The following OXCT1 variants were observed in gnomAD, a reference collection of about 807,000 sequenced individuals.
OXCT1 encodes 3-oxoacid CoA-transferase 1.
A neutral mutation model predicts 69.6 loss-of-function variants in OXCT1; 27 were observed. The ratio of observed to expected loss-of-function variants is 0.39; its 90% CI spans 0.29 to 0.54. The LOEUF (loss-of-function observed/expected upper bound fraction) is 0.54. OXCT1 is among the 20% of genes least tolerant of loss of function. The pLI, the probability that OXCT1 is intolerant of heterozygous loss-of-function variation, is 0.72. For missense variants in OXCT1, 437 were observed against 650.2 expected, an observed-to-expected ratio of 0.67 and a Z score of 3.57; for synonymous variants, 202 against 217.8, an observed-to-expected ratio of 0.93 and a Z score of 0.64.
At chr5:41,842,531 G>C (rs368798392) in intron 6 of OXCT1, 144 bp downstream of exon 6, 3 of 713,962 alleles carry the variant, frequency 4.2e-6, no homozygotes, top group African/African-American at 3.4e-5. Flanking sequence ...CAGCAGCCCT[G>C]CACACACCTA....
intron 7 of OXCT1, among the ~76,000 whole-genome samples, chr5:41,808,300 T>TA (rs953152221): frequency 6.6e-6 from 1 of 152,170 alleles, no homozygotes; most frequent in South Asian, 2.1e-4. Flanking sequence ...GCTTAACAGA[T>TA]ACAGTGTCCA....
At chr5:41,797,951 G>GA (rs1746255063) in intron 11 of OXCT1, among the ~76,000 whole-genome samples, 1 of 152,138 alleles carries the variant, frequency 6.6e-6, no homozygotes. Flanking sequence ...GGCAAAATGT[G>GA]ATATGCTTCT....
intron 11 of OXCT1, among the ~76,000 whole-genome samples, chr5:41,796,940 C>A (rs991958592): frequency 2.6e-5 from 4 of 152,114 alleles, no homozygotes; most frequent in Admixed American, 1.3e-4. Flanking sequence ...CAGGACCAAG[C>A]AATTGGCTTA....
intron 16 of OXCT1, among the ~76,000 whole-genome samples, chr5:41,737,383 C>G (rs1403064057): frequency 6.6e-6 from 1 of 151,954 alleles, no homozygotes; most frequent in Non-Finnish European, 1.5e-5. Context: ...CCTTATTTAC[C>G]CACATGAATA....
intron 11 of OXCT1, among the ~76,000 whole-genome samples, chr5:41,798,136 A>G (rs142523798): frequency 6.6e-6 from 1 of 152,308 alleles, no homozygotes; most frequent in African/African-American, 2.4e-5. Flanking sequence ...AAATCTCATG[A>G]AAGACACACC....
In OXCT1 at chr5:41,870,249, G is replaced by A. The variant is rs1561144120; in HGVS notation, c.78+32C>T. ...TCAGGGTTTGGTCCACGTTCTTCCT[G>A]CCCATGGCCTTCCTCTTCCCCCGCA... is the stretch of plus-strand genomic sequence containing the variant. On this transcript the variant is annotated intron_variant, in intron 1 of 16. Transcript: ENST00000196371. This position sits in a 1 kb window ranked among gnomAD's most constrained non-coding sequence, Gnocchi z 4.2. 6.4e-7 allele frequency: 1 copy of A among 1,562,326 alleles called. No homozygotes were observed. The highest frequency in any genetic ancestry group is 8.8e-7 in the Non-Finnish European group (1 of 1,133,074).
intron 7 of OXCT1, among the ~76,000 whole-genome samples, chr5:41,836,765 T>TCACTCACC: frequency 6.6e-6 from 1 of 152,242 alleles, no homozygotes; most frequent in African/African-American, 2.4e-5. Context: ...TAATGCTCAC[T>TCACTCACC]CACCCACCAC....
chr5:41,832,952 A>G (rs545196691), intron 7 of OXCT1, among the ~76,000 whole-genome samples: 1 of 152,316 alleles, frequency 6.6e-6, no homozygotes, highest in East Asian at 1.9e-4. Flanking sequence ...TATTGAAAAT[A>G]CAGTCAGAGG....
intron 13 of OXCT1, 21 bp downstream of exon 13, chr5:41,793,982 G>T (rs1211373936): frequency 6.9e-7 from 1 of 1,440,658 alleles, no homozygotes; most frequent in Non-Finnish European, 9.8e-7. Flanking sequence ...ACATAATTCA[G>T]AATAAAAAAT....
intron 13 of OXCT1, among the ~76,000 whole-genome samples, chr5:41,773,201 G>A (rs1416111683): frequency 1.3e-5 from 2 of 151,756 alleles, no homozygotes; most frequent in African/African-American, 2.4e-5. Context: ...TAAGATGGGG[G>A]AAAAAAAGTG....
intron 13 of OXCT1, among the ~76,000 whole-genome samples, chr5:41,791,703 G>C (rs1419413827): frequency 6.6e-6 from 1 of 152,186 alleles, no homozygotes; most frequent in Non-Finnish European, 1.5e-5. Context: ...CATTAGTCTA[G>C]AGAAATAGAT....
chr5:41,832,370 C>T (rs1241952852), intron 7 of OXCT1, among the ~76,000 whole-genome samples: 2 of 151,122 alleles, frequency 1.3e-5, no homozygotes, highest in Non-Finnish European at 2.9e-5. Context: ...AGAGATTCCA[C>T]TTGTTTGGAG....
At chr5:41,858,375 G>T (rs1047697060) in intron 3 of OXCT1, among the ~76,000 whole-genome samples, 5 of 152,128 alleles carry the variant, frequency 3.3e-5, no homozygotes, top group African/African-American at 1.2e-4. Context: ...TTTTGCAAAT[G>T]GGGAACATAT....
At chr5:41,798,953 T>A (rs1304135299) in intron 11 of OXCT1, among the ~76,000 whole-genome samples, 1 of 152,190 alleles carries the variant, frequency 6.6e-6, no homozygotes, top group Non-Finnish European at 1.5e-5. Flanking sequence ...TCACTTCAAT[T>A]TTCTGGACCT....
chr5:41,779,349 A>C (rs981933409), intron 13 of OXCT1, among the ~76,000 whole-genome samples: 1 of 152,132 alleles, frequency 6.6e-6, no homozygotes. Flanking sequence ...TATAAATCTG[A>C]ATTAAACAAA....
chr5:41,856,611 A>G (rs1051053023), intron 3 of OXCT1, among the ~76,000 whole-genome samples: 8 of 152,170 alleles, frequency 5.3e-5, no homozygotes, highest in African/African-American at 1.9e-4. Flanking sequence ...CAAAGTGTCT[A>G]GGTAACAGGT....
chr5:41,734,256 TG>T (rs1224566846), intron 16 of OXCT1, among the ~76,000 whole-genome samples: 1 of 152,232 alleles, frequency 6.6e-6, no homozygotes, highest in African/African-American at 2.4e-5. Flanking sequence ...TAGTGACATC[TG>T]GAAGTTTATT....
At chr5:41,784,490 GA>G (rs1427626807) in intron 13 of OXCT1, among the ~76,000 whole-genome samples, 1 of 152,174 alleles carries the variant, frequency 6.6e-6, no homozygotes, top group African/African-American at 2.4e-5. Flanking sequence ...AAGGCTTACA[GA>G]ATGCTATACA....
At chr5:41,866,151 A>C (rs534201424) in intron 1 of OXCT1, among the ~76,000 whole-genome samples, 3 of 151,654 alleles carry the variant, frequency 2.0e-5, no homozygotes, top group African/African-American at 7.3e-5. Flanking sequence ...CTTCCTTTGG[A>C]AAATGCAAAC....
Sources: allele counts gnomAD v4.1 joint callset (sites outside exome capture counted in the v4.1 genomes callset), GRCh38; gene constraint gnomAD v4.1.1; non-coding constraint Gnocchi (gnomAD v3.1); transcripts MANE v1.5; gene names NCBI Gene and HGNC (gene_info 2026-07-23, HGNC 2026-07-21).